Variants in PGAP1 observed in about 807,000 individuals in gnomAD.
PGAP1 encodes GPI inositol-deacylase.
Under a neutral mutation model 127.0 loss-of-function variants are expected in PGAP1, and 76 were observed. That is an observed-to-expected ratio of 0.60 (90% confidence interval 0.50 to 0.72). PGAP1 has a LOEUF of 0.72. Ranked by LOEUF, PGAP1 falls within the 30% of genes least tolerant of loss-of-function variation. The pLI, the probability that PGAP1 is intolerant of heterozygous loss-of-function variation, is 0.00. For missense variants in PGAP1, 982 were observed against 1,071.3 expected (o/e 0.92, Z 1.16); for synonymous variants, 362 against 366.5 (o/e 0.99, Z 0.14).
chr2:196,876,310 T>C (rs116635676), intron 13 of PGAP1, among the ~76,000 whole-genome samples: 2,136 of 152,240 alleles, frequency 0.014, 20 homozygotes, highest in Admixed American at 0.028. Context: ...GGAGAAATAC[T>C]GCCATTCATT....
intron 1 of PGAP1, chr2:196,922,073 C>A: frequency 9.5e-7 from 1 of 1,047,548 alleles, no homozygotes; most frequent in Non-Finnish European, 1.2e-6. Context: ...TTTAAATGAG[C>A]AACCCCTCTA....
At chr2:196,857,282 C>G (rs1288569485) in intron 20 of PGAP1, among the ~76,000 whole-genome samples, 2 of 152,166 alleles carry the variant, frequency 1.3e-5, no homozygotes, top group Non-Finnish European at 2.9e-5. Context: ...AATACAACTC[C>G]TAACAGTTTA....
At chr2:196,918,604 A>T (rs1703088190) in intron 2 of PGAP1, among the ~76,000 whole-genome samples, 1 of 152,182 alleles carries the variant, frequency 6.6e-6, no homozygotes, top group Admixed American at 6.6e-5. Flanking sequence ...CTATATTCAT[A>T]TTACAAAATT....
Position 196,841,282 on chromosome 2 carries a change from GC to G in PGAP1, c.2720del (p.Cys907SerfsTer23), listed in dbSNP as rs745598290. 6.2e-7 allele frequency: 1 copy of G among 1,613,884 alleles called. No homozygotes were observed. Among genetic ancestry groups the G allele is most frequent in the South Asian group, 1.1e-5 (1 of 91,054 alleles). ...GGAGTAAAAGAGGAATGAAGACAAAGCATGGAAGCCTATATAAATGTGCTGA... is the reference window on the plus strand; with the variant it reads ...GGAGTAAAAGAGGAATGAAGACAAAGATGGAAGCCTATATAAATGTGCTGA... ...FGSAHLYRLP[C>X]FVFIPLLLHA... On this transcript the variant is annotated frameshift_variant, in exon 27 of 27. Transcript: ENST00000354764. LOFTEE classifies it high-confidence loss of function.
rs574805999 is a variant in PGAP1 at position 196,900,881 on chromosome 2, C to T, written c.807+1704G>A. 2.4e-4 allele frequency among the ~76,000 whole-genome samples: 37 copies of T among 152,000 alleles called. No homozygotes were observed. The South Asian group carries it at 7.5e-3, about 31-fold the overall frequency. On this transcript the variant is annotated intron_variant, in intron 5 of 26. Coordinates refer to ENST00000354764, the MANE Select transcript of PGAP1 (RefSeq NM_024989.4). ...GGCAGAGCTTGCAGTGAGCGGAGAT[C>T]GCGCCACTGCACTCCAGCCTGGGCT...
At chr2:196,844,123 T>TA in intron 24 of PGAP1, 48 bp from the exon 25 acceptor site, 1 of 1,108,114 alleles carries the variant, frequency 9.0e-7, no homozygotes, top group Non-Finnish European at 1.2e-6. Flanking sequence ...CAAAAGTATA[T>TA]TACTTTATTT....
At chr2:196,850,841 C>T (rs1238514756) in intron 20 of PGAP1, among the ~76,000 whole-genome samples, 3 of 151,932 alleles carry the variant, frequency 2.0e-5, no homozygotes, top group Non-Finnish European at 2.9e-5. Context: ...TAGAAGTATA[C>T]ATATTATGAA....
chr2:196,888,983 T>A lies in PGAP1; in HGVS notation c.1173+1845A>T, dbSNP rs75314239. Among the ~76,000 whole-genome samples the A allele has an allele frequency of 3.4e-3, 523 of 152,294 alleles. 2 individuals carry two copies. Among genetic ancestry groups the A allele is most frequent in the African/African-American group, 0.012 (486 of 41,578 alleles). ...AAGCTGTGTGTTGATTATAAAAAAATTCATTCTTATATTTTCTTTCTGCCT... is the reference window on the plus strand; with the variant it reads ...AAGCTGTGTGTTGATTATAAAAAAAATCATTCTTATATTTTCTTTCTGCCT... On this transcript the variant is annotated intron_variant, in intron 10 of 26. Coordinates refer to ENST00000354764, the MANE Select transcript of PGAP1 (RefSeq NM_024989.4).
At chr2:196,884,154 TTTC>T (rs1348512218) in intron 12 of PGAP1, among the ~76,000 whole-genome samples, 2 of 152,200 alleles carry the variant, frequency 1.3e-5, no homozygotes, top group East Asian at 1.9e-4. Flanking sequence ...TAATAATTTA[TTTC>T]TTCTTAATCT....
At chr2:196,903,944 C>G (rs1466781191) in intron 4 of PGAP1, among the ~76,000 whole-genome samples, 1 of 152,194 alleles carries the variant, frequency 6.6e-6, no homozygotes, top group Non-Finnish European at 1.5e-5. Flanking sequence ...GCAAGCTGCC[C>G]CCATTAAAGA....
At chr2:196,887,961 TAAG>T (rs1354463817) in intron 10 of PGAP1, among the ~76,000 whole-genome samples, 5 of 152,182 alleles carry the variant, frequency 3.3e-5, no homozygotes, top group Non-Finnish European at 7.3e-5. Flanking sequence ...TTGCCGCTAC[TAAG>T]AAGGGGCCTA....
chr2:196,882,007 T>A (rs1292383185), intron 12 of PGAP1, among the ~76,000 whole-genome samples: 1 of 152,180 alleles, frequency 6.6e-6, no homozygotes, highest in Non-Finnish European at 1.5e-5. Flanking sequence ...TTTTAATCCA[T>A]CCTGAGTTAA....
chr2:196,849,125 T>C, intron 20 of PGAP1, among the ~76,000 whole-genome samples: 1 of 152,180 alleles, frequency 6.6e-6, no homozygotes, highest in Non-Finnish European at 1.5e-5. Flanking sequence ...ATCCCCTAGA[T>C]GTACATTCTA....
At chr2:196,894,531 A>G (rs748251093) in intron 7 of PGAP1, among the ~76,000 whole-genome samples, 1 of 152,194 alleles carries the variant, frequency 6.6e-6, no homozygotes, top group Non-Finnish European at 1.5e-5. Context: ...GGCCGGGCGC[A>G]GTGGCTCATG....
chr2:196,879,583 T>A (rs1701668627), intron 13 of PGAP1, among the ~76,000 whole-genome samples: 1 of 152,118 alleles, frequency 6.6e-6, no homozygotes, highest in Admixed American at 6.5e-5. Context: ...TAGTCCCAGC[T>A]ACTTGGGAGG....
rs767160857 is a variant in PGAP1, at chr2:196,880,128, T to C, written c.1298A>G (p.Tyr433Cys). Residue 433 changes from tyrosine (Y) to cysteine (C), a missense_variant, in exon 13 of 27, where the codon TAT becomes TGT. By Grantham distance (194) the Tyr-to-Cys change is radical (BLOSUM62 -2). Coordinates refer to ENST00000354764, the MANE Select transcript of PGAP1 (RefSeq NM_024989.4). ...AACAACAAGATGAGACAAAGATGGA[T>C]AGTCTTGAAGTCTTAATGTCAGATA... ...IKYLTLRLQD[Y>C]PSLSHLVVYV... is the part of the protein sequence containing the mutation. 3 of 1,592,742 alleles carry C rather than the reference T, an allele frequency of 1.9e-6. No homozygotes were observed. Among genetic ancestry groups the C allele is most frequent in the Non-Finnish European group, 2.6e-6 (3 of 1,169,058 alleles).
chr2:196,862,414 G>T (rs903896326), intron 20 of PGAP1, among the ~76,000 whole-genome samples: 4 of 152,116 alleles, frequency 2.6e-5, no homozygotes, highest in Non-Finnish European at 5.9e-5. Flanking sequence ...AACTTCATTA[G>T]CAATTTTAAT....
chr2:196,902,744 T>C lies in PGAP1; in HGVS notation c.650-2A>G, dbSNP rs1445815971. ...AGTTGTTTACAGTCGTATAAAAATC[T>C]GGTGGGGAATAAAAAAGAGACATTA... On this transcript the variant is annotated splice_acceptor_variant, in intron 4 of 26. Coordinates refer to ENST00000354764, the MANE Select transcript of PGAP1 (RefSeq NM_024989.4). LOFTEE classifies it high-confidence loss of function. The C allele has an allele frequency of 6.3e-7, 1 of 1,596,976 alleles. No homozygotes were observed. The highest frequency in any genetic ancestry group is 8.5e-7 in the Non-Finnish European group (1 of 1,170,820).
At chr2:196,883,551 GATA>G (rs1472778438) in intron 12 of PGAP1, among the ~76,000 whole-genome samples, 1 of 152,132 alleles carries the variant, frequency 6.6e-6, no homozygotes, top group African/African-American at 2.4e-5. Flanking sequence ...GAAGAACTTG[GATA>G]ATCTGTGCAG....
Sources: allele counts gnomAD v4.1 joint callset (sites outside exome capture counted in the v4.1 genomes callset), GRCh38; gene constraint gnomAD v4.1.1; transcripts MANE v1.5; gene names NCBI Gene and HGNC (gene_info 2026-07-23, HGNC 2026-07-21).